The following PTK2 variants were observed in gnomAD, a reference collection of about 807,000 sequenced individuals.
PTK2 encodes focal adhesion kinase 1.
In PTK2, 45 loss-of-function variants were observed where a neutral mutation model predicts 150.1. That is an observed-to-expected ratio of 0.30 (90% CI 0.24 to 0.38). PTK2 has a LOEUF of 0.38. Among genes scored for constraint, PTK2 ranks in the 10% least tolerant of loss-of-function variants. The pLI is 1.00. For synonymous variants in PTK2, 432 were observed against 449.2 expected (o/e 0.96, Z 0.48); for missense variants, 919 against 1,307.3 (o/e 0.70, Z 4.58).
chr8:140,823,551 C>T (rs1218053872), intron 8 of PTK2, among the ~76,000 whole-genome samples: 1 of 152,070 alleles, frequency 6.6e-6, no homozygotes, highest in South Asian at 2.1e-4. Context: ...CTAAAACCTG[C>T]CACTAAGAGC....
At chr8:140,992,105 A>C (rs1390980048) in intron 1 of PTK2, among the ~76,000 whole-genome samples, 1 of 152,124 alleles carries the variant, frequency 6.6e-6, no homozygotes, top group Non-Finnish European at 1.5e-5. Flanking sequence ...CAGCCTGGCC[A>C]ACATGGTGAA....
At chr8:140,934,668 A>T (rs2154608636) in intron 1 of PTK2, 1 of 152,358 alleles carries the variant, frequency 6.6e-6, no homozygotes, top group East Asian at 1.9e-4. Flanking sequence ...CACCCATGAG[A>T]AATAACACCT....
intron 8 of PTK2, among the ~76,000 whole-genome samples, chr8:140,823,977 G>A (rs866784311): frequency 6.6e-6 from 1 of 152,222 alleles, no homozygotes; most frequent in Middle Eastern, 3.4e-3. Context: ...TGTTTCTCTT[G>A]GCCTCTTATT....
At chr8:140,714,496 A>AT (rs1243347117) in intron 23 of PTK2, among the ~76,000 whole-genome samples, 1 of 151,894 alleles carries the variant, frequency 6.6e-6, no homozygotes, top group African/African-American at 2.4e-5. Context: ...GAAATAAAAA[A>AT]AAAAAATCTA....
intron 1 of PTK2, among the ~76,000 whole-genome samples, chr8:140,993,732 CT>C (rs987600833): frequency 2.6e-5 from 4 of 151,860 alleles, no homozygotes; most frequent in African/African-American, 7.3e-5. Context: ...ACAAACATGA[CT>C]TTTTTTTCTT....
chr8:140,804,379 G>A (rs2100097075), intron 10 of PTK2, among the ~76,000 whole-genome samples: 1 of 151,814 alleles, frequency 6.6e-6, no homozygotes. Context: ...CTTGAGGCCA[G>A]GAGTTCAAGC....
intron 1 of PTK2, among the ~76,000 whole-genome samples, chr8:140,959,335 C>T (rs1197345060): frequency 1.3e-5 from 2 of 150,726 alleles, no homozygotes; most frequent in Non-Finnish European, 3.0e-5. Flanking sequence ...TTGAGACCAT[C>T]CTGGCTAACA....
intron 31 of PTK2, among the ~76,000 whole-genome samples, chr8:140,663,498 A>C (rs2084024690): frequency 6.6e-6 from 1 of 152,226 alleles, no homozygotes; most frequent in African/African-American, 2.4e-5. Flanking sequence ...GTGGGGACGC[A>C]TCCCACATGC....
In PTK2 at chr8:140,997,918, G is replaced by A. The variant is rs189439366; in HGVS notation, c.-122+3207C>T. Among the ~76,000 whole-genome samples, 702 of 152,268 alleles carry A rather than the reference G, an allele frequency of 4.6e-3. 6 individuals carry two copies. The highest frequency in any genetic ancestry group is 6.8e-3 in the Middle Eastern group (2 of 294). ...TGCACCACTGCACTCCAGCCTGGGTGACAGAACAAGACCTTGTCTCAAAAA... is the reference window on the plus strand; with the variant it reads ...TGCACCACTGCACTCCAGCCTGGGTAACAGAACAAGACCTTGTCTCAAAAA... On this transcript the variant is annotated intron_variant, in intron 1 of 31. Transcript: ENST00000522684.
intron 27 of PTK2, among the ~76,000 whole-genome samples, chr8:140,677,798 A>G (rs1264986850): frequency 6.6e-6 from 1 of 152,234 alleles, no homozygotes; most frequent in Non-Finnish European, 1.5e-5. Flanking sequence ...TCTACTTCAT[A>G]TATCACTATC....
At chr8:140,705,916 G>A (rs532072918) in intron 24 of PTK2, among the ~76,000 whole-genome samples, 41 of 152,314 alleles carry the variant, frequency 2.7e-4, no homozygotes, top group African/African-American at 9.4e-4. Context: ...CTGCCCACTC[G>A]AAGATGGAGT....
At chr8:140,927,994 G>A (rs1484322199) in intron 1 of PTK2, among the ~76,000 whole-genome samples, 40 of 79,802 alleles carry the variant, frequency 5.0e-4, no homozygotes, top group East Asian at 1.4e-3. Context: ...ATATATATAT[G>A]TATATATATA....
chr8:140,748,581 T>A (rs2100060939), intron 17 of PTK2, among the ~76,000 whole-genome samples: 1 of 151,864 alleles, frequency 6.6e-6, no homozygotes, highest in African/African-American at 2.4e-5. Flanking sequence ...TTTTTTGGCA[T>A]ACTTTGTTTA....
intron 1 of PTK2, among the ~76,000 whole-genome samples, chr8:140,969,582 C>T (rs192220235): frequency 6.6e-6 from 1 of 152,344 alleles, no homozygotes; most frequent in East Asian, 1.9e-4. Context: ...ACACCATCTT[C>T]TCCTGGTTTT....
At chr8:140,866,359 A>C (rs2100139272) in intron 4 of PTK2, among the ~76,000 whole-genome samples, 1 of 152,240 alleles carries the variant, frequency 6.6e-6, no homozygotes, top group South Asian at 2.1e-4. Context: ...CTTAACATCC[A>C]GCATTCTGAT....
chr8:140,791,164 A>ATG (rs991194073), intron 13 of PTK2, among the ~76,000 whole-genome samples: 3 of 151,980 alleles, frequency 2.0e-5, no homozygotes, highest in East Asian at 1.9e-4. Context: ...TGATTCCTCT[A>ATG]TGTGTGTGTG....
At chr8:140,732,308 A>C (rs573762416) in intron 22 of PTK2, among the ~76,000 whole-genome samples, 3 of 152,360 alleles carry the variant, frequency 2.0e-5, no homozygotes, top group Non-Finnish European at 1.5e-5. Context: ...ACAATGCAGA[A>C]TGAATGAATG....
At chr8:140,775,662 C>T (rs2100077990) in intron 14 of PTK2, among the ~76,000 whole-genome samples, 2 of 151,820 alleles carry the variant, frequency 1.3e-5, no homozygotes, top group African/African-American at 4.8e-5. Context: ...TTATGCTGGG[C>T]CTTCCAGCTA....
At chr8:140,942,280 G>A (rs1161618691) in intron 1 of PTK2, among the ~76,000 whole-genome samples, 1 of 152,142 alleles carries the variant, frequency 6.6e-6, no homozygotes, top group Non-Finnish European at 1.5e-5. Context: ...AGACTGCATA[G>A]TTTCATCAAT....
Sources: allele counts gnomAD v4.1 joint callset (sites outside exome capture counted in the v4.1 genomes callset), GRCh38; gene constraint gnomAD v4.1.1; transcripts MANE v1.5; gene names NCBI Gene and HGNC (gene_info 2026-07-23, HGNC 2026-07-21).